Variants in PTBP3 observed in about 807,000 individuals in gnomAD.
PTBP3 encodes polypyrimidine tract-binding protein 3.
Under a neutral mutation model 58.7 loss-of-function variants are expected in PTBP3, and 20 were observed. The ratio of observed to expected loss-of-function variants is 0.34; its 90% CI spans 0.24 to 0.50. The LOEUF is 0.50. Among genes scored for constraint, PTBP3 ranks in the 20% least tolerant of loss-of-function variants. The pLI is 0.98. For synonymous variants in PTBP3, 185 were observed against 219.8 expected (o/e 0.84, Z 1.40); for missense variants, 509 against 637.2 (o/e 0.80, Z 2.17).
Position 112,234,846 on chromosome 9 carries a change from G to T in PTBP3, c.854C>A (p.Pro285Gln), listed in dbSNP as rs185145716. Residue 285 changes from proline to glutamine, a missense_variant, in exon 8 of 14, where the codon CCA becomes CAA. By Grantham distance (76) the Pro-to-Gln change is moderately conservative. Coordinates refer to ENST00000374257, the MANE Select transcript of PTBP3 (RefSeq NM_001163788.4). The stretch of plus-strand genomic sequence containing the variant: ...TGTAGCTTGAGGAAATCCAATGGCT[G>T]GGGCAAATCCAGCAGCCCCTGCATA... ...SPYAGAAGFA[P>Q]AIGFPQATGL... 21 of 1,612,660 alleles carry T rather than the reference G, an allele frequency of 1.3e-5. 1 individual carries two copies. The African/African-American group carries it at 1.7e-4, about 13-fold the overall frequency.
the PTBP3 span, among the ~76,000 whole-genome samples, chr9:112,343,289 G>A: frequency 1.3e-5 from 2 of 150,720 alleles, no homozygotes; most frequent in Non-Finnish European, 2.9e-5. Context: ...GCTCACTGCA[G>A]CCTCTGCCTC....
chr9:112,313,289 C>T (rs1829563352), intron 1 of PTBP3, among the ~76,000 whole-genome samples: 1 of 152,136 alleles, frequency 6.6e-6, no homozygotes, highest in Non-Finnish European at 1.5e-5. Context: ...ACAGTAACCT[C>T]CTCTCATGGG....
chr9:112,237,446 T>C (rs532096939), intron 7 of PTBP3, among the ~76,000 whole-genome samples: 1 of 152,260 alleles, frequency 6.6e-6, no homozygotes, highest in African/African-American at 2.4e-5. Flanking sequence ...ATACATAAGA[T>C]AACATTTTAA....
intron 4 of PTBP3, among the ~76,000 whole-genome samples, chr9:112,264,717 G>C (rs1054802875): frequency 4.6e-5 from 7 of 152,146 alleles, no homozygotes; most frequent in Non-Finnish European, 8.8e-5. Context: ...ATGCATAAAA[G>C]TTGTACAAAA....
chr9:112,263,184 C>G lies in PTBP3; in HGVS notation c.352-585G>C, dbSNP rs575046504. ...CCAGCTTGAAGGGGCCTGCACTGGC[C>G]AAATCTAGGACAATCTGTGTATCAA... On this transcript the variant is annotated intron_variant, in intron 4 of 13. Coordinates refer to ENST00000374257, the MANE Select transcript of PTBP3 (RefSeq NM_001163788.4). 2.1e-4 allele frequency among the ~76,000 whole-genome samples: 32 copies of G among 152,196 alleles called. No individual in the cohort carries two copies. In the South Asian group the frequency reaches 2.3e-3, roughly 11 times the overall value.
chr9:112,271,787 T>C (rs1338455482), intron 3 of PTBP3, among the ~76,000 whole-genome samples: 1 of 152,110 alleles, frequency 6.6e-6, no homozygotes, highest in East Asian at 1.9e-4. Flanking sequence ...AATCTTCAAA[T>C]ACAGAATATT....
At position 112,218,631 on chromosome 9, in the gene PTBP3, A is replaced by T. The variant is rs926656114; in HGVS notation, c.*5220T>A. 2.0e-5 allele frequency: 3 copies of T among 152,644 alleles called. No homozygotes were observed. The highest frequency in any genetic ancestry group is 2.4e-5 in the African/African-American group (1 of 41,458). 9.5% of individuals were successfully genotyped at this position (152,644 alleles called of 1,614,324 possible). A position where few individuals can be genotyped will look rare whatever the true frequency, so the allele number is the denominator to read the frequency against. On this transcript the variant is annotated 3_prime_UTR_variant, in exon 14 of 14. Coordinates refer to ENST00000374257, the MANE Select transcript of PTBP3 (RefSeq NM_001163788.4). ...TAGAAAATATGTTTTTTAATATTTT[A>T]TCTTCTCTTTGCATTTATAACATAA...
the PTBP3 span, among the ~76,000 whole-genome samples, chr9:112,361,731 C>T: frequency 3.3e-5 from 5 of 152,124 alleles, no homozygotes; most frequent in Non-Finnish European, 7.4e-5. Flanking sequence ...TATTTCTCTT[C>T]GGTATACATA....
rs752936618 is a variant in PTBP3, at chr9:112,228,485, A to G, written c.1055-13T>C. ...TCACCATAGACTCCTAATTAAAACAAAACAAAACACTGTGTTTAACGTCTG... is the reference window on the plus strand; with the variant it reads ...TCACCATAGACTCCTAATTAAAACAGAACAAAACACTGTGTTTAACGTCTG... On this transcript the variant is annotated splice_polypyrimidine_tract_variant and intron_variant, in intron 10 of 13. Transcript: ENST00000374257. The G allele has an allele frequency of 2.1e-5, 32 of 1,506,596 alleles. 1 individual carries two copies. The South Asian group carries it at 3.9e-4, about 18-fold the overall frequency. The allele number at this position is 1,506,596 out of a possible 1,614,324, so 93.3% of individuals were successfully genotyped here. A position where few individuals can be genotyped will look rare whatever the true frequency, so the allele number is the denominator to read the frequency against.
the PTBP3 span, among the ~76,000 whole-genome samples, chr9:112,361,288 G>A: frequency 6.6e-6 from 1 of 151,740 alleles, no homozygotes; most frequent in East Asian, 1.9e-4. Flanking sequence ...TAGTAGATTC[G>A]GGGTTTCACC....
Position 112,221,007 on chromosome 9 carries a change from T to A in PTBP3, c.*2844A>T. The A allele has an allele frequency of 8.2e-6, 8 of 976,410 alleles. No homozygotes were observed. The highest frequency in any genetic ancestry group is 9.7e-6 in the Non-Finnish European group (8 of 821,826). The allele number at this position is 976,410 out of a possible 1,614,324, so 60.5% of individuals were successfully genotyped here. A position where few individuals can be genotyped will look rare whatever the true frequency, so the allele number is the denominator to read the frequency against. On this transcript the variant is annotated 3_prime_UTR_variant, in exon 14 of 14. Transcript: ENST00000374257. ...CCACCATCCTGATATTTTTTAATCT[T>A]TTTTTTACAAAAACTATGCCAACAC...
the PTBP3 span, chr9:112,379,877 A>T: frequency 4.9e-5 from 27 of 550,608 alleles, no homozygotes; most frequent in Middle Eastern, 3.4e-3. Flanking sequence ...TCACCGTACG[A>T]CCAGTGAGGG....
intron 7 of PTBP3, among the ~76,000 whole-genome samples, chr9:112,239,972 T>G (rs1835590558): frequency 6.6e-6 from 1 of 151,528 alleles, no homozygotes; most frequent in African/African-American, 2.4e-5. Flanking sequence ...TCAGTGTACC[T>G]GGGAGAAAAG....
intron 1 of PTBP3, among the ~76,000 whole-genome samples, chr9:112,322,893 C>A (rs1830011965): frequency 6.6e-6 from 1 of 152,194 alleles, no homozygotes; most frequent in African/African-American, 2.4e-5. Flanking sequence ...CCAGGTGAAC[C>A]AAGCTTGCAA....
intron 2 of PTBP3, among the ~76,000 whole-genome samples, chr9:112,295,023 C>T (rs1243971548): frequency 6.6e-6 from 1 of 152,084 alleles, no homozygotes; most frequent in Non-Finnish European, 1.5e-5. Flanking sequence ...GTGGATCACT[C>T]GAGGTCAGGA....
intron 13 of PTBP3, 45 bp from the exon 14 acceptor site, chr9:112,224,028 T>C: frequency 6.3e-7 from 1 of 1,592,060 alleles, no homozygotes; most frequent in South Asian, 1.1e-5. Context: ...GAATGAATTT[T>C]GCTTCCAAAC....
At chr9:112,302,270 A>C (rs1290194708) in intron 1 of PTBP3, among the ~76,000 whole-genome samples, 1 of 152,224 alleles carries the variant, frequency 6.6e-6, no homozygotes, top group Non-Finnish European at 1.5e-5. Flanking sequence ...GGAAAGGCAA[A>C]TAAGAAATCT....
rs376773765 is a variant in PTBP3, at chr9:112,327,306, C to T, written c.-52+6164G>A. On this transcript the variant is annotated intron_variant, in intron 1 of 13. Coordinates refer to ENST00000374257, the MANE Select transcript of PTBP3 (RefSeq NM_001163788.4). ...GAAGGCCGGGCACAGTGGCTCACGC[C>T]TGTAATCCCAGCACTTTGGGAGGCC... Among the ~76,000 whole-genome samples the T allele has an allele frequency of 3.3e-5, 5 of 152,256 alleles. No individual in the cohort carries two copies. In the East Asian group the frequency reaches 7.7e-4, roughly 23 times the overall value.
At chr9:112,269,468 G>C (rs778907195) in intron 3 of PTBP3, among the ~76,000 whole-genome samples, 1 of 152,120 alleles carries the variant, frequency 6.6e-6, no homozygotes, top group African/African-American at 2.4e-5. Flanking sequence ...TTCAGTAAGA[G>C]TTTTATTATC....
Sources: gnomAD v4.1 joint callset for allele counts (sites outside exome capture counted in the v4.1 genomes callset) on GRCh38, gnomAD v4.1.1 for gene constraint, MANE v1.5 for transcripts, NCBI Gene and HGNC (gene_info 2026-07-23, HGNC 2026-07-21) for gene names.